The following PCDHA5 variants were observed in gnomAD, a reference collection of about 807,000 sequenced individuals.
The protein encoded by PCDHA5 is protocadherin alpha 5.
In PCDHA5, 43 loss-of-function variants were observed where a neutral mutation model predicts 61.6. The observed-to-expected ratio is 0.70, with a 90% CI of 0.55 to 0.90. PCDHA5 has a LOEUF of 0.90. Ranked by LOEUF, PCDHA5 falls within the 40% of genes least tolerant of loss-of-function variation. The probability of loss-of-function intolerance (pLI) is 0.00; values close to 1 mark genes in which losing one functional copy is unlikely to be tolerated. For missense variants in PCDHA5, 1,298 were observed against 1,222.7 expected (o/e 1.06, Z -0.92); for synonymous variants, 627 against 543.9 (o/e 1.15, Z -2.13).
chr5:140,836,500 C>G, intron 1 of PCDHA5: 1 of 1,613,882 alleles, frequency 6.2e-7, no homozygotes, highest in Non-Finnish European at 8.5e-7. Flanking sequence ...GCCATCTGCG[C>G]GGTGTCCAGT....
At chr5:140,871,294 T>C in intron 1 of PCDHA5, 1 of 1,613,852 alleles carries the variant, frequency 6.2e-7, no homozygotes, top group Non-Finnish European at 8.5e-7. Context: ...TGAGGGCGCG[T>C]GCGCGCCGGG....
At position 140,848,612 on chromosome 5, in the gene PCDHA5, C is replaced by T. The variant is rs141640003; in HGVS notation, c.2352+24485C>T. The T allele has an allele frequency of 2.7e-3, 4,330 of 1,586,952 alleles. 470 individuals carry two copies. Among genetic ancestry groups the T allele is most frequent in the Middle Eastern group, 9.9e-3 (57 of 5,730 alleles). On this transcript the variant is annotated intron_variant, in intron 1 of 3. Coordinates refer to ENST00000529859, the MANE Select transcript of PCDHA5 (RefSeq NM_018908.3). Reference sequence around the variant, plus strand: ...TCCACTACTCCGTCCCGGAGGAAGCCGAACACGGCACCTTCGTGGGCCGCA... The same window carrying T: ...TCCACTACTCCGTCCCGGAGGAAGCTGAACACGGCACCTTCGTGGGCCGCA...
chr5:140,823,383 G>A lies in PCDHA5; in HGVS notation c.1608G>A (p.Ala536=), dbSNP rs201301158. Residue 536 remains alanine (A), a synonymous_variant, in exon 1 of 4, where the codon GCG becomes GCA. Coordinates refer to ENST00000529859, the MANE Select transcript of PCDHA5 (RefSeq NM_018908.3). Reference sequence around the variant, plus strand: ...AGCTGCTGCAGTTCCAGGTGAGCGCGCGCGACGCGGGCGTGCCGCCTCTGG... The same window carrying A: ...AGCTGCTGCAGTTCCAGGTGAGCGCACGCGACGCGGGCGTGCCGCCTCTGG... The part of the protein sequence containing the change: ...EVELLQFQVS[A]RDAGVPPLGS... 8.5e-5 allele frequency: 137 copies of A among 1,612,804 alleles called. 1 individual carries two copies. Among genetic ancestry groups the A allele is most frequent in the East Asian group, 8.9e-5 (4 of 44,864 alleles).
At chr5:140,950,791 A>T (rs2153690738) in intron 1 of PCDHA5, among the ~76,000 whole-genome samples, 1 of 152,142 alleles carries the variant, frequency 6.6e-6, no homozygotes, top group East Asian at 1.9e-4. Flanking sequence ...CTTTTTAAAT[A>T]TTGTCTGGTT....
chr5:140,869,654 C>T, intron 1 of PCDHA5: 1 of 1,613,446 alleles, frequency 6.2e-7, no homozygotes, highest in Non-Finnish European at 8.5e-7. Flanking sequence ...GATTCACCAA[C>T]AAATGGTAAG....
At position 140,882,738 on chromosome 5, in the gene PCDHA5, C is replaced by T. The variant is rs1005115100; in HGVS notation, c.2352+58611C>T. 8.1e-6 allele frequency: 13 copies of T among 1,614,118 alleles called. No individual in the cohort carries two copies. The highest frequency in any genetic ancestry group is 1.3e-5 in the African/African-American group (1 of 74,942). ...GAAACTCGATTTCCACTAGATGGCG[C>T]ATCCGATGCAGATATTGGAGTAAAC... On this transcript the variant is annotated intron_variant, in intron 1 of 3. Transcript: ENST00000529859.
At chr5:140,990,668 G>A (rs1554251661) in intron 3 of PCDHA5, among the ~76,000 whole-genome samples, 1 of 152,178 alleles carries the variant, frequency 6.6e-6, no homozygotes, top group African/African-American at 2.4e-5. Flanking sequence ...TACATTAGAT[G>A]CACACCAAGC....
chr5:140,879,875 C>T (rs1040496825), intron 1 of PCDHA5, among the ~76,000 whole-genome samples: 39 of 152,326 alleles, frequency 2.6e-4, no homozygotes, highest in African/African-American at 8.7e-4. Flanking sequence ...TTCATGGTCA[C>T]ATTGCCTCCT....
At position 140,867,369 on chromosome 5, in the gene PCDHA5, G is replaced by A. The variant is rs554108396; in HGVS notation, c.2352+43242G>A. On this transcript the variant is annotated intron_variant, in intron 1 of 3. Coordinates refer to ENST00000529859, the MANE Select transcript of PCDHA5 (RefSeq NM_018908.3). ...CTATGATTGATTATTTTACAGATGC[G>A]TAATGGAATTAACGGTTATAAAAGT... is the stretch of plus-strand genomic sequence containing the variant. 21 of 152,194 alleles carry A rather than the reference G, an allele frequency of 1.4e-4. 1 individual carries two copies. Among genetic ancestry groups the A allele is most frequent in the South Asian group, 1.0e-3 (5 of 4,822 alleles). The allele number at this position is 152,194 out of a possible 1,614,324, so 9.4% of individuals were successfully genotyped here.
intron 1 of PCDHA5, chr5:140,926,589 G>T (rs929081687): frequency 1.7e-5 from 5 of 292,778 alleles, no homozygotes; most frequent in Non-Finnish European, 2.5e-5. Flanking sequence ...TCTCGCGCCC[G>T]GGCGGGCGGC....
intron 1 of PCDHA5, among the ~76,000 whole-genome samples, chr5:140,965,185 CAT>C (rs782612335): frequency 4.6e-5 from 7 of 152,138 alleles, no homozygotes; most frequent in Non-Finnish European, 1.0e-4. Flanking sequence ...TTTTTTTGCA[CAT>C]GAGGCAATAG....
In PCDHA5 at chr5:140,850,223, AGT is replaced by A. The variant is rs2041441871; in HGVS notation, c.2352+26098_2352+26099del. The A allele has an allele frequency of 1.0e-5, 16 of 1,593,640 alleles. 2 individuals carry two copies. Among genetic ancestry groups the A allele is most frequent in the Non-Finnish European group, 1.2e-5 (14 of 1,167,580 alleles). ...CTCGGATGAGGGGCACTGACGGCGC[AGT>A]GAGCGAGATGGTGCTGCGGTCGGTG... On this transcript the variant is annotated intron_variant, in intron 1 of 3. Transcript: ENST00000529859.
chr5:140,877,698 C>T, intron 1 of PCDHA5: 2 of 1,613,958 alleles, frequency 1.2e-6, no homozygotes, highest in Non-Finnish European at 1.7e-6. Context: ...TGGTGTGCTC[C>T]AGCGCCGTGG....
At chr5:140,958,925 G>T (rs980567381) in intron 1 of PCDHA5, among the ~76,000 whole-genome samples, 1 of 144,748 alleles carries the variant, frequency 6.9e-6, no homozygotes, top group African/African-American at 2.6e-5. Flanking sequence ...GGGTGTGGTG[G>T]CTCATACTTG....
At chr5:140,933,047 A>G (rs1482395906) in intron 1 of PCDHA5, among the ~76,000 whole-genome samples, 2 of 152,030 alleles carry the variant, frequency 1.3e-5, no homozygotes, top group Non-Finnish European at 1.5e-5. Flanking sequence ...TATGGATTAC[A>G]GTCCAGGATC....
intron 1 of PCDHA5, chr5:140,884,661 A>C: frequency 6.3e-7 from 1 of 1,590,384 alleles, no homozygotes; most frequent in African/African-American, 1.3e-5. Context: ...TGCTTGAAAG[A>C]GGTAAGCTTA....
intron 1 of PCDHA5, among the ~76,000 whole-genome samples, chr5:140,889,879 T>G (rs2062416989): frequency 6.6e-6 from 1 of 152,162 alleles, no homozygotes; most frequent in South Asian, 2.1e-4. Flanking sequence ...CCTGCCACCA[T>G]GTAAGAATTC....
intron 1 of PCDHA5, chr5:140,884,356 C>T: frequency 6.2e-7 from 1 of 1,613,936 alleles, no homozygotes; most frequent in South Asian, 1.1e-5. Flanking sequence ...TGGTGGATGT[C>T]AATGTTTACT....
At chr5:140,960,405 C>T (rs2095547214) in intron 1 of PCDHA5, among the ~76,000 whole-genome samples, 1 of 151,828 alleles carries the variant, frequency 6.6e-6, no homozygotes, top group Non-Finnish European at 1.5e-5. Context: ...AGGGGGGGTG[C>T]CCAAAAAGTC....
Sources: gnomAD v4.1 joint callset for allele counts (sites outside exome capture counted in the v4.1 genomes callset) on GRCh38, gnomAD v4.1.1 for gene constraint, MANE v1.5 for transcripts, NCBI Gene and HGNC (gene_info 2026-07-23, HGNC 2026-07-21) for gene names.